Variants in CHRM3 observed in about 807,000 individuals in gnomAD.
CHRM3 encodes cholinergic receptor muscarinic 3, also known as muscarinic acetylcholine receptor M3.
A neutral mutation model predicts 41.8 loss-of-function variants in CHRM3; 11 were observed. The observed-to-expected ratio is 0.26, with a 90% CI of 0.17 to 0.44. CHRM3 has a LOEUF of 0.44. Ranked by LOEUF, CHRM3 falls within the 20% of genes least tolerant of loss-of-function variation. The pLI is 1.00. For synonymous variants in CHRM3, 297 were observed against 301.4 expected (o/e 0.99, Z 0.15); for missense variants, 571 against 745.4 (o/e 0.77, Z 2.72).
chr1:239,759,212 C>G (rs1210956664), intron 5 of CHRM3, among the ~76,000 whole-genome samples: 18 of 120,488 alleles, frequency 1.5e-4, no homozygotes, highest in African/African-American at 6.0e-4. Flanking sequence ...GAGGCTTATC[C>G]TGAATGTCTG....
At chr1:239,767,955 C>T (rs1173536085) in intron 5 of CHRM3, among the ~76,000 whole-genome samples, 2 of 152,012 alleles carry the variant, frequency 1.3e-5, no homozygotes, top group Non-Finnish European at 2.9e-5. Flanking sequence ...TAACAAGCCC[C>T]GGGTGATTTC....
chr1:239,522,144 C>T (rs1669691352), intron 2 of CHRM3, among the ~76,000 whole-genome samples: 1 of 152,190 alleles, frequency 6.6e-6, no homozygotes, highest in Admixed American at 6.5e-5. Context: ...GTTGTAACTT[C>T]CTCATCCCAT....
chr1:239,729,248 G>C (rs1037012790), intron 5 of CHRM3, among the ~76,000 whole-genome samples: 3 of 151,796 alleles, frequency 2.0e-5, no homozygotes, highest in African/African-American at 7.3e-5. Context: ...CTTCATCGTT[G>C]AGTGAACATT....
At chr1:239,692,222 T>C (rs1659788702) in intron 5 of CHRM3, among the ~76,000 whole-genome samples, 1 of 152,210 alleles carries the variant, frequency 6.6e-6, no homozygotes, top group Non-Finnish European at 1.5e-5. Flanking sequence ...ATACACCTCA[T>C]CTTCCTATGA....
chr1:239,846,595 C>T (rs888196738), intron 6 of CHRM3, among the ~76,000 whole-genome samples: 17 of 152,232 alleles, frequency 1.1e-4, no homozygotes, highest in Admixed American at 2.6e-4. Flanking sequence ...ATGGTAAATG[C>T]TAATTCAGAG....
At chr1:239,395,023 T>C (rs1659359293) in intron 1 of CHRM3, among the ~76,000 whole-genome samples, 1 of 152,150 alleles carries the variant, frequency 6.6e-6, no homozygotes, top group Admixed American at 6.5e-5. Context: ...ACCTGTAACC[T>C]CTTAGTCATA....
At chr1:239,500,676 A>C (rs1668177181) in intron 2 of CHRM3, among the ~76,000 whole-genome samples, 1 of 152,000 alleles carries the variant, frequency 6.6e-6, no homozygotes, top group African/African-American at 2.4e-5. Context: ...AGAACTTATA[A>C]AACAAAAATA....
Position 239,527,200 on chromosome 1 carries a change from A to G in CHRM3, c.-421-18441A>G, listed in dbSNP as rs144675439. ...TCTCCTTTAATTTTAACAACCTACA[A>G]AACAGTTACTGTATTTATCCCCAGT... On this transcript the variant is annotated intron_variant, in intron 2 of 6. Transcript: ENST00000676153. Among the ~76,000 whole-genome samples the G allele has an allele frequency of 6.6e-3, 1,011 of 152,254 alleles. 15 individuals carry two copies. Among genetic ancestry groups the G allele is most frequent in the African/African-American group, 0.023 (942 of 41,546 alleles).
At chr1:239,608,484 T>G (rs1211383294) in intron 3 of CHRM3, among the ~76,000 whole-genome samples, 1 of 152,230 alleles carries the variant, frequency 6.6e-6, no homozygotes, top group Non-Finnish European at 1.5e-5. Flanking sequence ...CCTAGATATT[T>G]TCATCTCTTT....
At chr1:239,867,422 T>G (rs1676206869) in intron 6 of CHRM3, among the ~76,000 whole-genome samples, 2 of 152,248 alleles carry the variant, frequency 1.3e-5, no homozygotes, top group Non-Finnish European at 2.9e-5. Flanking sequence ...GCCCGGTGGC[T>G]CACGCCTGTA....
chr1:239,672,447 G>C (rs921614306), intron 4 of CHRM3, among the ~76,000 whole-genome samples: 3 of 152,166 alleles, frequency 2.0e-5, no homozygotes, highest in Non-Finnish European at 4.4e-5. Flanking sequence ...GCATGCAAGT[G>C]ATAAACCTCA....
In CHRM3 at chr1:239,740,059, A is replaced by G. The variant is rs114075740; in HGVS notation, c.-147+61771A>G. Among the ~76,000 whole-genome samples, 1,510 of 152,302 alleles carry G rather than the reference A, an allele frequency of 9.9e-3. 24 individuals are homozygous for G. The highest frequency in any genetic ancestry group is 0.035 in the African/African-American group (1,436 of 41,558). On this transcript the variant is annotated intron_variant, in intron 5 of 6. Coordinates refer to ENST00000676153, the MANE Select transcript of CHRM3 (RefSeq NM_001375978.1). Reference sequence around the variant, plus strand: ...GAATAGATTCCAAAAGGGGTGGAGCATGAGGGGATAGTGTAGTAGAGAAGA... The same window carrying G: ...GAATAGATTCCAAAAGGGGTGGAGCGTGAGGGGATAGTGTAGTAGAGAAGA...
At chr1:239,538,310 T>A (rs1158315408) in intron 2 of CHRM3, among the ~76,000 whole-genome samples, 1 of 152,224 alleles carries the variant, frequency 6.6e-6, no homozygotes, top group Non-Finnish European at 1.5e-5. Context: ...CTCAGGAAGA[T>A]GCCAATAGAA....
intron 5 of CHRM3, among the ~76,000 whole-genome samples, chr1:239,726,200 T>C (rs1572107065): frequency 6.6e-6 from 1 of 151,972 alleles, no homozygotes; most frequent in East Asian, 1.9e-4. Context: ...TTGTAGATCA[T>C]GTGCTATTCT....
At chr1:239,811,847 C>T (rs981313538) in intron 5 of CHRM3, among the ~76,000 whole-genome samples, 7 of 151,536 alleles carry the variant, frequency 4.6e-5, no homozygotes, top group African/African-American at 1.7e-4. Flanking sequence ...TGTTTTAAAG[C>T]CTTTAAAAAA....
At chr1:239,491,820 G>T (rs1201249902) in intron 1 of CHRM3, among the ~76,000 whole-genome samples, 1 of 152,086 alleles carries the variant, frequency 6.6e-6, no homozygotes, top group East Asian at 1.9e-4. Context: ...TGTTTCTATT[G>T]CTTTTTAAAC....
intron 3 of CHRM3, among the ~76,000 whole-genome samples, chr1:239,581,524 G>C (rs1662901518): frequency 6.6e-6 from 1 of 151,914 alleles, no homozygotes; most frequent in African/African-American, 2.4e-5. Flanking sequence ...TATTATGAAG[G>C]ACCCACAAAG....
chr1:239,704,265 C>A (rs544535044), intron 5 of CHRM3: 128 of 152,166 alleles, frequency 8.4e-4, no homozygotes, highest in Non-Finnish European at 1.4e-3. Context: ...CATCATACAC[C>A]CATTGAGAGG....
intron 5 of CHRM3, among the ~76,000 whole-genome samples, chr1:239,696,158 A>G (rs1660166439): frequency 6.6e-6 from 1 of 151,854 alleles, no homozygotes; most frequent in Non-Finnish European, 1.5e-5. Context: ...ACCTCCCTAA[A>G]CTCCAGTTTC....
Sources: gnomAD v4.1 joint callset for allele counts (sites outside exome capture counted in the v4.1 genomes callset) on GRCh38, gnomAD v4.1.1 for gene constraint, MANE v1.5 for transcripts, NCBI Gene and HGNC (gene_info 2026-07-23, HGNC 2026-07-21) for gene names.